The following TMEM108 variants were observed in gnomAD, a reference collection of about 807,000 sequenced individuals.
TMEM108 encodes cancer/testis antigen 124.
A neutral mutation model predicts 35.1 loss-of-function variants in TMEM108; 12 were observed. That is an observed-to-expected ratio of 0.34 (90% CI 0.22 to 0.55). The LOEUF is 0.55. TMEM108 is among the 20% of genes least tolerant of loss of function. The pLI, the probability that TMEM108 is intolerant of heterozygous loss-of-function variation, is 0.89. For missense variants in TMEM108, 680 were observed against 753.3 expected, an observed-to-expected ratio of 0.90 and a Z score of 1.14; for synonymous variants, 287 against 308.6, an observed-to-expected ratio of 0.93 and a Z score of 0.73.
At chr3:133,369,240 T>C (rs1236494016) in intron 3 of TMEM108, among the ~76,000 whole-genome samples, 1 of 152,108 alleles carries the variant, frequency 6.6e-6, no homozygotes, top group African/African-American at 2.4e-5. Context: ...CATTTCTACC[T>C]GGGGAGTTGA....
chr3:133,371,162 T>C (rs570028147), intron 3 of TMEM108, among the ~76,000 whole-genome samples: 8 of 152,340 alleles, frequency 5.3e-5, no homozygotes, highest in Admixed American at 5.2e-4. Flanking sequence ...TGAAAGAGCT[T>C]TGATTTCACT....
intron 3 of TMEM108, among the ~76,000 whole-genome samples, chr3:133,258,083 G>A (rs1198993541): frequency 6.6e-6 from 1 of 152,172 alleles, no homozygotes; most frequent in East Asian, 1.9e-4. Context: ...GGTATTTGGA[G>A]GTGGGGCCTT....
At chr3:133,043,635 TG>T (rs1477043764) in intron 1 of TMEM108, among the ~76,000 whole-genome samples, 1 of 152,178 alleles carries the variant, frequency 6.6e-6, no homozygotes, top group African/African-American at 2.4e-5. Flanking sequence ...CAATCTGACT[TG>T]ATTTCCAGAT....
chr3:133,326,781 T>G (rs2071338485), intron 3 of TMEM108, among the ~76,000 whole-genome samples: 1 of 152,204 alleles, frequency 6.6e-6, no homozygotes. Context: ...GGGTTCAAAT[T>G]CTGTCTTCAT....
chr3:133,271,671 AGACGCTGCTCT>A (rs1946772904), intron 3 of TMEM108, among the ~76,000 whole-genome samples: 1 of 152,156 alleles, frequency 6.6e-6, no homozygotes, highest in South Asian at 2.1e-4. Context: ...TTAACACAAC[AGACGCTGCTCT>A]GACTCTCCTA....
intron 2 of TMEM108, among the ~76,000 whole-genome samples, chr3:133,205,144 C>A (rs200259781): frequency 9.9e-6 from 1 of 100,698 alleles, no homozygotes; most frequent in African/African-American, 4.5e-5. Context: ...TTTTTTTTTT[C>A]TTTCCATTTG....
intron 3 of TMEM108, among the ~76,000 whole-genome samples, chr3:133,341,225 C>A (rs1257692214): frequency 6.6e-6 from 1 of 151,812 alleles, no homozygotes; most frequent in Non-Finnish European, 1.5e-5. Flanking sequence ...GATACAAAAT[C>A]AACATACAAA....
intron 2 of TMEM108, among the ~76,000 whole-genome samples, chr3:133,109,873 C>G (rs1043072145): frequency 8.5e-5 from 13 of 152,140 alleles, no homozygotes; most frequent in Admixed American, 7.9e-4. Flanking sequence ...GCCTAATAAT[C>G]AGTGTGACCT....
intron 3 of TMEM108, among the ~76,000 whole-genome samples, chr3:133,320,140 C>T (rs181033335): frequency 2.6e-5 from 4 of 151,988 alleles, no homozygotes; most frequent in Non-Finnish European, 5.9e-5. Context: ...CCAAAAAGAC[C>T]ATACTAGCTC....
chr3:133,046,807 T>C (rs1047994816), intron 2 of TMEM108, among the ~76,000 whole-genome samples: 1 of 151,802 alleles, frequency 6.6e-6, no homozygotes, highest in East Asian at 1.9e-4. Context: ...TTATGATTCA[T>C]ATAAATATAA....
At position 133,318,320 on chromosome 3, in the gene TMEM108, G is replaced by A. The variant is rs115159014; in HGVS notation, c.41-61432G>A. Among the ~76,000 whole-genome samples the A allele has an allele frequency of 6.2e-3, 942 of 152,268 alleles. 13 individuals carry two copies. The highest frequency in any genetic ancestry group is 0.021 in the African/African-American group (885 of 41,542). ...GTGACAGCATAGGGGAGGAAAAATG[G>A]GGATAGTAACTGGTTTACATCTCAA... On this transcript the variant is annotated intron_variant, in intron 3 of 5. Coordinates refer to ENST00000321871, the MANE Select transcript of TMEM108 (RefSeq NM_023943.4).
intron 2 of TMEM108, among the ~76,000 whole-genome samples, chr3:133,146,113 A>G (rs1212212992): frequency 6.6e-6 from 1 of 152,188 alleles, no homozygotes; most frequent in Admixed American, 6.5e-5. Context: ...TGTCATAAAT[A>G]GCTCTTATTG....
chr3:133,284,023 G>A (rs373505054), intron 3 of TMEM108, among the ~76,000 whole-genome samples: 6 of 152,312 alleles, frequency 3.9e-5, no homozygotes, highest in African/African-American at 1.4e-4. Flanking sequence ...CAGTTCTAAA[G>A]CATTCTGACA....
intron 3 of TMEM108, among the ~76,000 whole-genome samples, chr3:133,248,796 G>A (rs1946423212): frequency 6.6e-6 from 1 of 152,064 alleles, no homozygotes. Flanking sequence ...CCATCCTTAT[G>A]GCTGTATTTT....
chr3:133,225,273 C>T (rs1013825536), intron 2 of TMEM108, among the ~76,000 whole-genome samples: 26 of 152,058 alleles, frequency 1.7e-4, no homozygotes, highest in African/African-American at 6.0e-4. Flanking sequence ...GTCTCGATCT[C>T]CTGACCTCGT....
At chr3:133,129,818 A>AT (rs939031067) in intron 2 of TMEM108, among the ~76,000 whole-genome samples, 1 of 152,074 alleles carries the variant, frequency 6.6e-6, no homozygotes, top group African/African-American at 2.4e-5. Flanking sequence ...GGGCTACACA[A>AT]TAAGTGATCA....
At chr3:133,047,930 A>T (rs1430760445) in intron 2 of TMEM108, among the ~76,000 whole-genome samples, 1 of 152,166 alleles carries the variant, frequency 6.6e-6, no homozygotes, top group East Asian at 1.9e-4. Flanking sequence ...GGTAATTCTT[A>T]ATTCTTGTGA....
intron 3 of TMEM108, among the ~76,000 whole-genome samples, chr3:133,320,966 A>G (rs2071260163): frequency 6.6e-6 from 1 of 152,216 alleles, no homozygotes; most frequent in South Asian, 2.1e-4. Context: ...AGACTAACAA[A>G]TGCTGAGAGC....
chr3:133,324,655 A>G (rs1311817680), intron 3 of TMEM108, among the ~76,000 whole-genome samples: 7 of 152,214 alleles, frequency 4.6e-5, no homozygotes, highest in Non-Finnish European at 7.3e-5. Context: ...TGATCCAGCA[A>G]TCTCACTACT....
Sources: allele counts gnomAD v4.1 joint callset (sites outside exome capture counted in the v4.1 genomes callset), GRCh38; gene constraint gnomAD v4.1.1; transcripts MANE v1.5; gene names NCBI Gene and HGNC (gene_info 2026-07-23, HGNC 2026-07-21).